MINAR2: variants seen among roughly 807,000 people sequenced by gnomAD.
The protein encoded by MINAR2 is major intrinsically disordered NOTCH2-binding receptor 1-like.
In MINAR2, 21 loss-of-function variants were observed where a neutral mutation model predicts 16.1. That is an observed-to-expected ratio of 1.31 (90% CI 0.93 to 1.88). MINAR2 has a LOEUF of 1.88. Ranked by LOEUF, MINAR2 falls within the 40% of genes most tolerant of loss-of-function variation. MINAR2 has a pLI of 0.00. For synonymous variants in MINAR2, 86 were observed against 83.0 expected (o/e 1.04, Z -0.20); for missense variants, 259 against 229.8 (o/e 1.13, Z -0.82).
At chr5:129,753,947 C>T (rs998117981) in intron 1 of MINAR2, among the ~76,000 whole-genome samples, 1 of 152,134 alleles carries the variant, frequency 6.6e-6, no homozygotes, top group African/African-American at 2.4e-5. Flanking sequence ...ATATTATCTA[C>T]GAAGTAGATT....
At chr5:129,752,443 AC>A (rs59349288) in intron 1 of MINAR2, among the ~76,000 whole-genome samples, 12,469 of 152,172 alleles carry the variant, frequency 0.082, 1,043 homozygotes, top group African/African-American at 0.21. Flanking sequence ...GAAGCTGGAA[AC>A]CATCATTCTC....
intron 1 of MINAR2, among the ~76,000 whole-genome samples, chr5:129,749,755 A>G (rs1757963726): frequency 6.6e-6 from 1 of 152,196 alleles, no homozygotes; most frequent in South Asian, 2.1e-4. Flanking sequence ...TTGATCTAAC[A>G]TCTTTTGTTT....
chr5:129,756,957 A>AAC (rs57392261), intron 1 of MINAR2, among the ~76,000 whole-genome samples: 44 of 132,674 alleles, frequency 3.3e-4, no homozygotes, highest in African/African-American at 1.2e-3. Flanking sequence ...AAAAAAAAAA[A>AAC]ACACACACAC....
Position 129,748,284 on chromosome 5 carries a change from G to C in MINAR2, c.94G>C (p.Ala32Pro). 2 of 1,535,222 alleles carry C rather than the reference G, an allele frequency of 1.3e-6. No homozygotes were observed. The highest frequency in any genetic ancestry group is 1.7e-6 in the Non-Finnish European group (2 of 1,146,574). Residue 32 changes from alanine to proline, a missense_variant, in exon 1 of 3, where the codon GCC becomes CCC. Ala to Pro is a conservative substitution (Grantham distance 27). Transcript: ENST00000564719. ...AACGAGGAGCTCAGCCCTCCTTCAG[G>C]CCAGCCTGGTGAGGTTTCCGGGTGG... Reference protein sequence around the residue: ...SLTRSSALLQASLVRFPGGNY... With the variant: ...SLTRSSALLQPSLVRFPGGNY...
Position 129,765,028 on chromosome 5 carries a change from G to A in MINAR2, c.538G>A (p.Val180Ile). ...TTTACTTGTCGTTATCTCCATCTTGGTTACCATAGTGACTATCATTACTTT... is the reference window on the plus strand; with the variant it reads ...TTTACTTGTCGTTATCTCCATCTTGATTACCATAGTGACTATCATTACTTT... ...LILLVVISILVTIVTIITFFT is the reference protein window; with the variant it reads ...LILLVVISILITIVTIITFFT Residue 180 changes from valine (V) to isoleucine (I), a missense_variant, in exon 3 of 3, where the codon GTT (valine) becomes ATT (isoleucine). Coordinates refer to ENST00000564719, the MANE Select transcript of MINAR2 (RefSeq NM_001257308.2). 1.5e-6 allele frequency: 2 copies of A among 1,335,708 alleles called. No individual in the cohort carries two copies. The highest frequency in any genetic ancestry group is 9.6e-7 in the Non-Finnish European group (1 of 1,041,430). 82.7% of individuals were successfully genotyped at this position (1,335,708 alleles called of 1,614,324 possible). A position where few individuals can be genotyped will look rare whatever the true frequency, so the allele number is the denominator to read the frequency against.
At chr5:129,756,513 T>C (rs1004489843) in intron 1 of MINAR2, among the ~76,000 whole-genome samples, 3 of 152,106 alleles carry the variant, frequency 2.0e-5, no homozygotes, top group Non-Finnish European at 4.4e-5. Flanking sequence ...GTCCATTGCA[T>C]CATTCTTATG....
At chr5:129,761,091 G>T (rs1329606960) in intron 2 of MINAR2, among the ~76,000 whole-genome samples, 9 of 152,038 alleles carry the variant, frequency 5.9e-5, no homozygotes, top group Admixed American at 4.6e-4. Flanking sequence ...TTTACATTTT[G>T]GTTATTTTCC....
chr5:129,757,328 C>T (rs9327537), intron 1 of MINAR2, among the ~76,000 whole-genome samples: 25,495 of 151,744 alleles, frequency 0.17, 2,354 homozygotes, highest in East Asian at 0.3. Context: ...ACAAAATTAG[C>T]GAGCATTTAG....
chr5:129,753,902 A>C (rs890766734), intron 1 of MINAR2, among the ~76,000 whole-genome samples: 1 of 152,206 alleles, frequency 6.6e-6, no homozygotes, highest in East Asian at 1.9e-4. Context: ...TTCTAAGCTT[A>C]TATTGGATGA....
In MINAR2 at chr5:129,748,239, C is replaced by T; in HGVS notation, c.49C>T (p.Gln17Ter). ...PNNNHPDKFLQLDVKSLTRSS... is the reference protein window; with the variant it reads ...PNNNHPDKFL ...TAACAACCATCCTGACAAATTCCTG[C>T]AGCTTGACGTAAAGTCTTTAACGAG... is the stretch of plus-strand genomic sequence containing the variant. The change falls in exon 1 of 3, where the codon CAG (glutamine) becomes TAG (stop). Residue 17 changes from glutamine (Q) to a stop codon, truncating the protein, a stop_gained. Coordinates refer to ENST00000564719, the MANE Select transcript of MINAR2 (RefSeq NM_001257308.2). LOFTEE classifies it high-confidence loss of function. 1 of 1,535,216 alleles carries T rather than the reference C, an allele frequency of 6.5e-7. No homozygotes were observed. The highest frequency in any genetic ancestry group is 8.7e-7 in the Non-Finnish European group (1 of 1,146,558).
Position 129,764,983 on chromosome 5 carries a change from T to C in MINAR2, c.493T>C (p.Phe165Leu), listed in dbSNP as rs1178649012. 31 of 1,403,490 alleles carry C rather than the reference T, an allele frequency of 2.2e-5. No homozygotes were observed. Among genetic ancestry groups the C allele is most frequent in the Non-Finnish European group, 2.8e-5 (30 of 1,076,652 alleles). 86.9% of individuals were successfully genotyped at this position (1,403,490 alleles called of 1,614,324 possible). ...KEEKQEKHSK[F>L]CRMGLILLVV... is the part of the protein sequence containing the mutation. ...AGAGAAACAAGAGAAGCATTCAAAATTCTGTCGTATGGGTCTGATTTTACT... is the reference window on the plus strand; with the variant it reads ...AGAGAAACAAGAGAAGCATTCAAAACTCTGTCGTATGGGTCTGATTTTACT... Residue 165 changes from phenylalanine to leucine, a missense_variant, in exon 3 of 3, where the codon TTC becomes CTC. By Grantham distance (22) the Phe-to-Leu change is conservative (BLOSUM62 0). Coordinates refer to ENST00000564719, the MANE Select transcript of MINAR2 (RefSeq NM_001257308.2).
Position 129,758,148 on chromosome 5 carries a change from T to A in MINAR2, c.166-2230T>A, listed in dbSNP as rs1175369495. ...GTAAGCTTTGAAGTGTTACCTTTTTTAAATAAATATTTTAAAAGGTAATTT... is the reference window on the plus strand; with the variant it reads ...GTAAGCTTTGAAGTGTTACCTTTTTAAAATAAATATTTTAAAAGGTAATTT... On this transcript the variant is annotated intron_variant, in intron 1 of 2. Transcript: ENST00000564719. 2.6e-5 allele frequency among the ~76,000 whole-genome samples: 4 copies of A among 152,126 alleles called. No homozygotes were observed. The South Asian group carries it at 6.2e-4, about 24-fold the overall frequency.
rs541341823 is a variant in MINAR2 at position 129,764,965 on chromosome 5, CAAG to C, written c.477_479del (p.Glu160del). The C allele has an allele frequency of 3.5e-4, 493 of 1,409,088 alleles. 2 individuals are homozygous for C. In the African/African-American group the frequency reaches 6.6e-3, roughly 19 times the overall value. The allele number at this position is 1,409,088 out of a possible 1,614,324, so 87.3% of individuals were successfully genotyped here. A position where few individuals can be genotyped will look rare whatever the true frequency, so the allele number is the denominator to read the frequency against. On this transcript the variant is annotated inframe_deletion, in exon 3 of 3. Coordinates refer to ENST00000564719, the MANE Select transcript of MINAR2 (RefSeq NM_001257308.2). Reference sequence around the variant, plus strand: ...CACTTTATTGAAAAAGGAAGAGAAACAAGAGAAGCATTCAAAATTCTGTCGTAT... The same window carrying C: ...CACTTTATTGAAAAAGGAAGAGAAACAGAAGCATTCAAAATTCTGTCGTAT...
intron 1 of MINAR2, among the ~76,000 whole-genome samples, chr5:129,755,930 C>T (rs1336728155): frequency 6.6e-5 from 10 of 151,902 alleles, no homozygotes; most frequent in Non-Finnish European, 1.2e-4. Context: ...TCTCATTCTG[C>T]TTTATAATGC....
At chr5:129,758,708 C>T (rs921586227) in intron 1 of MINAR2, among the ~76,000 whole-genome samples, 10 of 151,642 alleles carry the variant, frequency 6.6e-5, no homozygotes, top group African/African-American at 2.4e-4. Flanking sequence ...GGAGAATTAT[C>T]CCCCTTCAGA....
intron 2 of MINAR2, among the ~76,000 whole-genome samples, chr5:129,761,383 TTATC>T (rs1758133311): frequency 1.3e-5 from 2 of 152,174 alleles, no homozygotes; most frequent in African/African-American, 4.8e-5. Context: ...TTAAAAATGT[TTATC>T]TAAGCTAAGC....
At chr5:129,754,561 C>T (rs1399408740) in intron 1 of MINAR2, among the ~76,000 whole-genome samples, 1 of 152,038 alleles carries the variant, frequency 6.6e-6, no homozygotes, top group Non-Finnish European at 1.5e-5. Flanking sequence ...TTTTTCAGTT[C>T]TTCATATGGC....
At position 129,766,222 on chromosome 5, in the gene MINAR2, T is replaced by C. The variant is rs1409038581; in HGVS notation, c.*1159T>C. Reference sequence around the variant, plus strand: ...AACAACCCAGCCAAAGGCTATCTTATGCAAGAAACAAAAGAGGGACTTTCT... The same window carrying C: ...AACAACCCAGCCAAAGGCTATCTTACGCAAGAAACAAAAGAGGGACTTTCT... On this transcript the variant is annotated 3_prime_UTR_variant, in exon 3 of 3. Coordinates refer to ENST00000564719, the MANE Select transcript of MINAR2 (RefSeq NM_001257308.2). The C allele has an allele frequency of 6.6e-6, 1 of 152,226 alleles. No homozygotes were observed. The highest frequency in any genetic ancestry group is 6.5e-5 in the Admixed American group (1 of 15,288). The allele number at this position is 152,226 out of a possible 1,614,324, so 9.4% of individuals were successfully genotyped here.
rs1758223371 is a variant in MINAR2 at position 129,766,657 on chromosome 5, C to CACAAAA, written c.*1595_*1596insCAAAAA. On this transcript the variant is annotated 3_prime_UTR_variant, in exon 3 of 3. Transcript: ENST00000564719. ...CATAAAAAAAAAAAAAAAAAAAAAACAAACAAACAAACAAAAAAAACCCCA... is the reference window on the plus strand; with the variant it reads ...CATAAAAAAAAAAAAAAAAAAAAAACACAAAAAAACAAACAAACAAAAAAAACCCCA... The CACAAAA allele has an allele frequency of 9.0e-6, 1 of 111,672 alleles. No individual in the cohort carries two copies. The highest frequency in any genetic ancestry group is 4.0e-5 in the African/African-American group (1 of 24,844). The allele number at this position is 111,672 out of a possible 1,614,324, so 6.9% of individuals were successfully genotyped here.
Sources: allele counts gnomAD v4.1 joint callset (sites outside exome capture counted in the v4.1 genomes callset), GRCh38; gene constraint gnomAD v4.1.1; transcripts MANE v1.5; gene names NCBI Gene and HGNC (gene_info 2026-07-23, HGNC 2026-07-21).